Variants in ZNF18 observed in about 807,000 individuals in gnomAD.
ZNF18 encodes heart development-specific gene 1 protein.
In ZNF18, 42 loss-of-function variants were observed where a neutral mutation model predicts 58.1. The ratio of observed to expected loss-of-function variants is 0.72; its 90% confidence interval spans 0.56 to 0.93. ZNF18 has a LOEUF of 0.93. Among genes scored for constraint, ZNF18 ranks in the 40% least tolerant of loss-of-function variants. The pLI, the probability that ZNF18 is intolerant of heterozygous loss-of-function variation, is 0.00. For missense variants in ZNF18, 540 were observed against 644.2 expected (o/e 0.84, Z 1.75); for synonymous variants, 231 against 239.8 (o/e 0.96, Z 0.34).
At chr17:12,011,169 A>G in the ZNF18 span, 1 of 587,110 alleles carries the variant, frequency 1.7e-6, no homozygotes, top group Non-Finnish European at 3.1e-6. Flanking sequence ...ATGTTTTCTA[A>G]AACTCCTGGA....
At chr17:12,007,027 G>C in the ZNF18 span, among the ~76,000 whole-genome samples, 11 of 152,092 alleles carry the variant, frequency 7.2e-5, no homozygotes, top group African/African-American at 2.7e-4. Context: ...AATGTTTACT[G>C]TTTTATTTTA....
intron 1 of ZNF18, among the ~76,000 whole-genome samples, chr17:11,994,246 G>T (rs1014180182): frequency 1.3e-5 from 2 of 151,888 alleles, no homozygotes; most frequent in Non-Finnish European, 2.9e-5. Flanking sequence ...CATCCTTACC[G>T]TTTCACCAAA....
intron 1 of ZNF18, chr17:11,997,177 G>A (rs1156511558): frequency 1.3e-5 from 2 of 152,496 alleles, no homozygotes; most frequent in African/African-American, 2.4e-5. Flanking sequence ...CGGTCCCGCG[G>A]GGCGCAGAGG....
intron 6 of ZNF18, among the ~76,000 whole-genome samples, chr17:11,982,027 C>T (rs1243195952): frequency 2.0e-5 from 3 of 151,790 alleles, no homozygotes; most frequent in Admixed American, 6.6e-5. Context: ...TCCTCCTCTC[C>T]CTCTCTCACC....
At chr17:12,010,973 A>ATC in the ZNF18 span, 8 of 722,698 alleles carry the variant, frequency 1.1e-5, no homozygotes, top group African/African-American at 1.4e-4. Context: ...CTTGGCAAGA[A>ATC]TCTTGCCCTT....
At chr17:11,990,769 A>G (rs1968065040) in intron 3 of ZNF18, among the ~76,000 whole-genome samples, 1 of 152,168 alleles carries the variant, frequency 6.6e-6, no homozygotes, top group Admixed American at 6.5e-5. Flanking sequence ...TCAGAGCCAA[A>G]ATCCAAATGG....
rs751813729 is a variant in ZNF18, at chr17:11,983,453, C to CT, written c.752-47dup. 3 of 1,474,408 alleles carry CT rather than the reference C, an allele frequency of 2.0e-6. No homozygotes were observed. In the African/African-American group the frequency reaches 4.2e-5, roughly 20 times the overall value. 91.3% of individuals were successfully genotyped at this position (1,474,408 alleles called of 1,614,324 possible). ...GGTGGGCCTGGATGAATAGGGAAGA[C>CT]TGGGAGCTCAAGCTGTGTCTTTCAA... is the stretch of plus-strand genomic sequence containing the variant. On this transcript the variant is annotated intron_variant, in intron 5 of 6. Transcript: ENST00000580306.
intron 6 of ZNF18, 71 bp downstream of exon 6, chr17:11,983,226 A>G: frequency 8.3e-7 from 1 of 1,199,264 alleles, no homozygotes; most frequent in Non-Finnish European, 1.2e-6. Context: ...CTCCTTCACC[A>G]CCTCCCCAAT....
chr17:12,009,793 C>A, the ZNF18 span, among the ~76,000 whole-genome samples: 2 of 152,092 alleles, frequency 1.3e-5, no homozygotes, highest in South Asian at 2.1e-4. Flanking sequence ...CTCCTGCCTG[C>A]GTGAGACGTA....
intron 4 of ZNF18, among the ~76,000 whole-genome samples, chr17:11,987,857 T>TC (rs1967854561): frequency 6.6e-6 from 1 of 152,066 alleles, no homozygotes; most frequent in Non-Finnish European, 1.5e-5. Context: ...CCATCCACCT[T>TC]CCCCCAGAGT....
the ZNF18 span, among the ~76,000 whole-genome samples, chr17:12,013,096 C>T: frequency 1.4e-4 from 21 of 152,206 alleles, no homozygotes; most frequent in South Asian, 4.4e-3. Context: ...GGACTACAGG[C>T]ATGTGCCACC....
chr17:11,992,701 A>G lies in ZNF18; in HGVS notation c.129T>C (p.Leu43=). 8.1e-6 allele frequency: 13 copies of G among 1,614,252 alleles called. No homozygotes were observed. The highest frequency in any genetic ancestry group is 1.0e-5 in the Non-Finnish European group (12 of 1,180,046). ...ELSSPETARQ[L]FRQFRYQVMS... ...TCACCTGGTAACGGAACTGCCTGAA[A>G]AGCTGGCGTGCGGTCTCAGGGCTGG... Residue 43 remains leucine (L), a synonymous_variant, in exon 2 of 7, where the codon CTT becomes CTC. Coordinates refer to ENST00000580306, the MANE Select transcript of ZNF18 (RefSeq NM_001303281.2).
the ZNF18 span, among the ~76,000 whole-genome samples, chr17:12,010,404 A>G: frequency 6.6e-6 from 1 of 152,056 alleles, no homozygotes; most frequent in Non-Finnish European, 1.5e-5. Flanking sequence ...TGCTTCCAAA[A>G]CATTTGTTTC....
the ZNF18 span, among the ~76,000 whole-genome samples, chr17:12,008,869 A>G: frequency 4.6e-5 from 7 of 152,358 alleles, no homozygotes; most frequent in African/African-American, 1.7e-4. Flanking sequence ...ATAGGAAGGA[A>G]TTTGGTCAAG....
chr17:12,018,019 G>C, the ZNF18 span, among the ~76,000 whole-genome samples: 299 of 152,288 alleles, frequency 2.0e-3, 2 homozygotes, highest in African/African-American at 6.6e-3. Flanking sequence ...TTCAGGATGG[G>C]GGACTTTGAT....
intron 6 of ZNF18, 96 bp from the exon 7 acceptor site, chr17:11,978,840 CTTTTTTTTTTTTTTTT>C (rs56969015): frequency 3.4e-5 from 4 of 117,386 alleles, no homozygotes; most frequent in Non-Finnish European, 6.1e-5. Context: ...CATTCATTTT[CTTTTTTTTTTTTTTTT>C]TTTTTTTTTT....
chr17:11,992,332 A>T lies in ZNF18; in HGVS notation c.387+111T>A, dbSNP rs1968177854. The T allele has an allele frequency of 6.4e-6, 9 of 1,410,616 alleles. No individual in the cohort carries two copies. In the South Asian group the frequency reaches 1.3e-4, roughly 20 times the overall value. The allele number at this position is 1,410,616 out of a possible 1,614,324, so 87.4% of individuals were successfully genotyped here. ...TCACAGAATTGGCCATTGGTGTGAA[A>T]AGCCCCACCCATTTTGTGTCATAAG... On this transcript the variant is annotated intron_variant, in intron 2 of 6. Coordinates refer to ENST00000580306, the MANE Select transcript of ZNF18 (RefSeq NM_001303281.2).
At chr17:11,988,815 CA>C (rs1193066527) in intron 4 of ZNF18, among the ~76,000 whole-genome samples, 1 of 150,422 alleles carries the variant, frequency 6.6e-6, no homozygotes, top group Non-Finnish European at 1.5e-5. Context: ...GATACCCAAT[CA>C]AAGATTACCA....
At chr17:11,998,372 T>A (rs1054285340), upstream of ZNF18, 1 of 152,226 alleles carries the variant, frequency 6.6e-6, no homozygotes, top group Non-Finnish European at 1.5e-5. Flanking sequence ...CTTGGGCAAC[T>A]GGCAAAGAGG....
Sources: allele counts gnomAD v4.1 joint callset (sites outside exome capture counted in the v4.1 genomes callset), GRCh38; gene constraint gnomAD v4.1.1; transcripts MANE v1.5; gene names NCBI Gene and HGNC (gene_info 2026-07-23, HGNC 2026-07-21).